The following NBPF12 variants were observed in gnomAD, a reference collection of about 807,000 sequenced individuals.
The protein encoded by NBPF12 is NBPF family member NBPF12.
In NBPF12, 115 loss-of-function variants were observed where a neutral mutation model predicts 146.4. The observed-to-expected ratio is 0.79, with a 90% confidence interval of 0.68 to 0.92. NBPF12 has a LOEUF of 0.92. Among genes scored for constraint, NBPF12 ranks in the 40% least tolerant of loss-of-function variants. NBPF12 has a pLI of 0.00. For synonymous variants in NBPF12, 385 were observed against 508.9 expected (o/e 0.76, Z 3.28); for missense variants, 1,205 against 1,326.8 (o/e 0.91, Z 1.43).
At chr1:146,978,637 G>C (rs1481101818) in intron 18 of NBPF12, among the ~76,000 whole-genome samples, 1 of 151,598 alleles carries the variant, frequency 6.6e-6, no homozygotes, top group Non-Finnish European at 1.5e-5. Flanking sequence ...ATATAAGTCC[G>C]TATTGCAGCA....
chr1:146,956,371 G>A (rs1241690158), intron 2 of NBPF12, among the ~76,000 whole-genome samples: 1 of 152,014 alleles, frequency 6.6e-6, no homozygotes, highest in Non-Finnish European at 1.5e-5. Context: ...ACTGCAAAGG[G>A]GTACAAGAAA....
chr1:146,961,191 A>T (rs1293409637), intron 4 of NBPF12, among the ~76,000 whole-genome samples: 1 of 151,974 alleles, frequency 6.6e-6, no homozygotes, highest in Non-Finnish European at 1.5e-5. Flanking sequence ...AAAAATAAAA[A>T]GCAGAGAGTA....
intron 19 of NBPF12, among the ~76,000 whole-genome samples, chr1:146,982,601 A>G (rs1200517222): frequency 6.6e-6 from 1 of 151,668 alleles, no homozygotes; most frequent in Non-Finnish European, 1.5e-5. Context: ...GTAAAATTCA[A>G]CCCAATTTAT....
chr1:146,994,890 T>C (rs1658448927), exon 34 of NBPF12: 1 of 453,520 alleles, frequency 2.2e-6, no homozygotes, highest in Non-Finnish European at 4.0e-6. Context: ...CAGGCATGTC[T>C]CTGAGCTTCT....
At chr1:146,938,626 G>T (rs1436747012), upstream of NBPF12, 3 of 146,796 alleles carry the variant, frequency 2.0e-5, no homozygotes, top group Non-Finnish European at 4.5e-5. Flanking sequence ...GCTGCGCTCC[G>T]TCCTCCATTA....
intron 11 of NBPF12, among the ~76,000 whole-genome samples, chr1:146,970,134 G>A (rs1466385249): frequency 6.6e-6 from 1 of 150,656 alleles, no homozygotes; most frequent in East Asian, 1.9e-4. Flanking sequence ...TTGATGTGGG[G>A]GCATTTGGTG....
intron 16 of NBPF12, among the ~76,000 whole-genome samples, 180 bp from the exon 20 acceptor site, chr1:146,976,749 A>G (rs1389963374): frequency 1.3e-5 from 2 of 150,858 alleles, no homozygotes; most frequent in African/African-American, 4.9e-5. Flanking sequence ...CAGATCAGAA[A>G]TGCATTGCCT....
chr1:146,949,624 C>T (rs1456435062), intron 1 of NBPF12, among the ~76,000 whole-genome samples: 23 of 119,834 alleles, frequency 1.9e-4, no homozygotes, highest in East Asian at 4.9e-4. Flanking sequence ...ATGAAGCGGC[C>T]GGGTTCTCTG....
intron 1 of NBPF12, among the ~76,000 whole-genome samples, chr1:146,942,934 T>A (rs1654871377): frequency 2.4e-5 from 2 of 84,074 alleles, no homozygotes; most frequent in African/African-American, 1.0e-4. Flanking sequence ...CAGGACTCTA[T>A]TTTTTCCCCC....
intron 2 of NBPF12, among the ~76,000 whole-genome samples, chr1:146,954,838 T>C (rs1370084054): frequency 6.7e-6 from 1 of 148,196 alleles, no homozygotes; most frequent in Non-Finnish European, 1.5e-5. Context: ...TACTCACATG[T>C]ATGTCTAATT....
At chr1:146,940,694 T>C (rs1324777776) in intron 1 of NBPF12, among the ~76,000 whole-genome samples, 3 of 152,078 alleles carry the variant, frequency 2.0e-5, no homozygotes, top group Admixed American at 1.3e-4. Context: ...GATAAAACTT[T>C]AGTATTACAT....
exon 1 of NBPF12, chr1:146,938,923 A>T (rs1451341109): frequency 6.6e-6 from 1 of 152,116 alleles, no homozygotes; most frequent in African/African-American, 2.4e-5. Context: ...GTACGGCGGC[A>T]CGGCTGCAGC....
exon 20 of NBPF12, chr1:146,983,061 C>G (rs1469139498): frequency 4.4e-6 from 7 of 1,605,032 alleles, no homozygotes; most frequent in Non-Finnish European, 5.1e-6. Flanking sequence ...ATTAGAGGAA[C>G]AGCAAGTCTG....
intron 19 of NBPF12, among the ~76,000 whole-genome samples, chr1:146,981,417 A>G (rs1454376309): frequency 7.9e-5 from 12 of 151,170 alleles, no homozygotes; most frequent in African/African-American, 2.2e-4. Flanking sequence ...TTGTGCCAAG[A>G]GATCTGCTGC....
At chr1:146,943,922 T>G (rs1654910932) in intron 2 of NBPF12, among the ~76,000 whole-genome samples, 1 of 142,580 alleles carries the variant, frequency 7.0e-6, no homozygotes, top group East Asian at 2.1e-4. Flanking sequence ...TTTCACCTGC[T>G]TTCTCCTCTT....
upstream of NBPF12, chr1:146,938,611 G>T (rs1172049561): frequency 1.3e-4 from 19 of 149,570 alleles, no homozygotes; most frequent in Admixed American, 1.1e-3. Context: ...TCCCTTTAAG[G>T]CCCAGCTGCG....
At chr1:146,939,199 G>A (rs1182913455) in intron 1 of NBPF12, among the ~76,000 whole-genome samples, 187 bp downstream of exon 1, 1 of 152,054 alleles carries the variant, frequency 6.6e-6, no homozygotes, top group Non-Finnish European at 1.5e-5. Context: ...CCTCTCGTGG[G>A]CGCTGGGGAA....
chr1:146,967,460 C>T lies in NBPF12; in HGVS notation c.988+787C>T, dbSNP rs1656279723. On this transcript the variant is annotated intron_variant, in intron 9 of 33. Transcript: ENST00000617844. ...AGGTTGCAGTGAGCCAAGATTTTGC[C>T]ATTGCACTCCAGCCTGGGTGACAGG... is the stretch of plus-strand genomic sequence containing the variant. Among the ~76,000 whole-genome samples, 3 of 149,296 alleles carry T rather than the reference C, an allele frequency of 2.0e-5. No individual in the cohort carries two copies. The South Asian group carries it at 6.8e-4, about 34-fold the overall frequency.
chr1:146,948,075 A>T (rs1207039353), upstream of NBPF12, among the ~76,000 whole-genome samples: 1 of 151,916 alleles, frequency 6.6e-6, no homozygotes, highest in Non-Finnish European at 1.5e-5. Context: ...CAACGGCGCC[A>T]TCTCAGCTCA....
Sources: gnomAD v4.1 joint callset for allele counts (sites outside exome capture counted in the v4.1 genomes callset) on GRCh38, gnomAD v4.1.1 for gene constraint, MANE v1.5 for transcripts, NCBI Gene and HGNC (gene_info 2026-07-23, HGNC 2026-07-21) for gene names.